Variants in TRHDE observed in about 807,000 individuals in gnomAD.
TRHDE encodes the protein thyrotropin-releasing hormone-degrading ectoenzyme.
Under a neutral mutation model 125.7 loss-of-function variants are expected in TRHDE, and 72 were observed. That is an observed-to-expected ratio of 0.57 (90% CI 0.47 to 0.70). The LOEUF is 0.70. TRHDE is among the 30% of genes least tolerant of loss of function. The pLI, the probability that TRHDE is intolerant of heterozygous loss-of-function variation, is 0.00. For synonymous variants in TRHDE, 509 were observed against 509.1 expected (o/e 1.00, Z 0.00); for missense variants, 1,110 against 1,327.1 (o/e 0.84, Z 2.54).
rs1266044059 is a variant in TRHDE at position 72,568,593 on chromosome 12, A to G, written c.2068A>G (p.Ile690Val). The change falls in exon 10 of 19, where the codon ATT becomes GTT. Residue 690 changes from isoleucine to valine, a missense_variant. By Grantham distance (29) the Ile-to-Val change is conservative. Coordinates refer to ENST00000261180, the MANE Select transcript of TRHDE (RefSeq NM_013381.3). The stretch of plus-strand genomic sequence containing the variant: ...TTACCTGTGGCAGATTCCATTAACT[A>G]TTGTGGTAGGAAATAGAAGCCATGT... ...NSYLWQIPLT[I>V]VVGNRSHVSS... 5 of 1,611,900 alleles carry G rather than the reference A, an allele frequency of 3.1e-6. No individual in the cohort carries two copies. The African/African-American group carries it at 6.7e-5, about 22-fold the overall frequency.
At chr12:72,403,388 A>G (rs1370825467) in intron 3 of TRHDE, among the ~76,000 whole-genome samples, 1 of 152,204 alleles carries the variant, frequency 6.6e-6, no homozygotes, top group African/African-American at 2.4e-5. Context: ...TCCTTTTTTC[A>G]TCCAATACAC....
chr12:72,279,756 A>G (rs2139418121), intron 1 of TRHDE, among the ~76,000 whole-genome samples: 1 of 152,208 alleles, frequency 6.6e-6, no homozygotes, highest in Non-Finnish European at 1.5e-5. Flanking sequence ...CTTTGCCTCC[A>G]AGCTTCTGAA....
At position 72,310,641 on chromosome 12, in the gene TRHDE, T is replaced by C. The variant is rs544068779; in HGVS notation, c.1188+23687T>C. Reference sequence around the variant, plus strand: ...ATTATTATTATAATAATTTTGATTATATATTTATATGAGTATATTTTTAAC... The same window carrying C: ...ATTATTATTATAATAATTTTGATTACATATTTATATGAGTATATTTTTAAC... On this transcript the variant is annotated intron_variant, in intron 2 of 18. Coordinates refer to ENST00000261180, the MANE Select transcript of TRHDE (RefSeq NM_013381.3). 2.6e-5 allele frequency among the ~76,000 whole-genome samples: 4 copies of C among 152,232 alleles called. No individual in the cohort carries two copies. In the South Asian group the frequency reaches 6.2e-4, roughly 24 times the overall value.
intron 2 of TRHDE, among the ~76,000 whole-genome samples, chr12:72,355,250 G>A (rs763660386): frequency 3.7e-4 from 56 of 151,498 alleles, no homozygotes; most frequent in Non-Finnish European, 8.0e-4. Context: ...GAAATTTGAA[G>A]GATAGTAAAA....
At chr12:72,638,980 G>T (rs1873902026) in intron 15 of TRHDE, among the ~76,000 whole-genome samples, 1 of 151,022 alleles carries the variant, frequency 6.6e-6, no homozygotes, top group African/African-American at 2.4e-5. Flanking sequence ...ACAATTATGT[G>T]TCTTGGAGTT....
rs188719687 is a variant in TRHDE, at chr12:72,377,153, A to C, written c.1189-842A>C. ...ATTTCTTTTTCATAGAATTGATATGAGGATTAGGGACCACATCTGTGAAAA... is the reference window on the plus strand; with the variant it reads ...ATTTCTTTTTCATAGAATTGATATGCGGATTAGGGACCACATCTGTGAAAA... On this transcript the variant is annotated intron_variant, in intron 2 of 18. Transcript: ENST00000261180. Among the ~76,000 whole-genome samples, 490 of 152,290 alleles carry C rather than the reference A, an allele frequency of 3.2e-3. 1 individual carries two copies. The highest frequency in any genetic ancestry group is 0.011 in the African/African-American group (454 of 41,556).
At chr12:72,587,097 G>A (rs1365811674) in intron 12 of TRHDE, among the ~76,000 whole-genome samples, 2 of 152,138 alleles carry the variant, frequency 1.3e-5, no homozygotes. Flanking sequence ...TCCATGACAT[G>A]TTGAGGGAAA....
At chr12:72,624,245 G>T (rs1470723763) in intron 15 of TRHDE, among the ~76,000 whole-genome samples, 3 of 151,652 alleles carry the variant, frequency 2.0e-5, no homozygotes, top group South Asian at 2.1e-4. Flanking sequence ...AAGAAGGAAA[G>T]AACTTTTTTT....
intron 3 of TRHDE, among the ~76,000 whole-genome samples, chr12:72,416,704 T>A (rs574434534): frequency 2.0e-5 from 3 of 152,262 alleles, no homozygotes; most frequent in Admixed American, 2.0e-4. Flanking sequence ...TGGATTTATT[T>A]CTGGGTTCTC....
rs774960373 is a variant in TRHDE, at chr12:72,562,990, T to TATCTA, written c.1993_1997dup (p.Tyr666Ter). 1 of 1,609,062 alleles carries TATCTA rather than the reference T, an allele frequency of 6.2e-7. No homozygotes were observed. The highest frequency in any genetic ancestry group is 2.2e-5 in the East Asian group (1 of 44,610). On this transcript the variant is annotated frameshift_variant, in exon 9 of 19. Coordinates refer to ENST00000261180, the MANE Select transcript of TRHDE (RefSeq NM_013381.3). LOFTEE classifies it high-confidence loss of function. ...GAATAATAATTACCCAACAGCATTT[T>TATCTA]ATCTATGATATCAGTGCTAAAACTA...
chr12:72,166,468 G>C (rs1876751581), intron 2 of TRHDE, among the ~76,000 whole-genome samples: 1 of 152,056 alleles, frequency 6.6e-6, no homozygotes, highest in African/African-American at 2.4e-5. Flanking sequence ...TTGAAGAACA[G>C]CTCTTGGTGT....
chr12:72,520,100 C>T (rs915092489), intron 6 of TRHDE, among the ~76,000 whole-genome samples: 5 of 152,200 alleles, frequency 3.3e-5, no homozygotes, highest in Non-Finnish European at 5.9e-5. Flanking sequence ...TTTTGTTTGT[C>T]TGTGCCCTGC....
rs545402175 is a variant in TRHDE, at chr12:72,499,590, G to A, written c.1677G>A (p.Gln559=). The change falls in exon 6 of 19, where the codon CAG becomes CAA. Residue 559 remains glutamine (Q), a synonymous_variant. Coordinates refer to ENST00000261180, the MANE Select transcript of TRHDE (RefSeq NM_013381.3). ...ATCCAGTATCACAGGAAGTGCTGCA[G>A]GCAACAGATATTGACAGGGTGTTTG... ...SSHPVSQEVL[Q]ATDIDRVFDW... is the part of the protein sequence containing the mutation. 5.6e-6 allele frequency: 9 copies of A among 1,613,894 alleles called. No homozygotes were observed. Among genetic ancestry groups the A allele is most frequent in the South Asian group, 3.3e-5 (3 of 91,080 alleles).
intron 3 of TRHDE, among the ~76,000 whole-genome samples, chr12:72,450,397 T>A (rs1875511465): frequency 6.6e-6 from 1 of 152,068 alleles, no homozygotes; most frequent in African/African-American, 2.4e-5. Context: ...TTTTACAATT[T>A]ATTAATTAAC....
intron 12 of TRHDE, among the ~76,000 whole-genome samples, chr12:72,598,686 T>A (rs935445045): frequency 1.3e-5 from 2 of 152,168 alleles, no homozygotes; most frequent in African/African-American, 4.8e-5. Context: ...TGGTTTTGCT[T>A]TTTAAGACTA....
At chr12:72,347,087 C>T (rs1870359108) in intron 2 of TRHDE, among the ~76,000 whole-genome samples, 1 of 152,076 alleles carries the variant, frequency 6.6e-6, no homozygotes, top group Non-Finnish European at 1.5e-5. Flanking sequence ...AATATGACCT[C>T]ATCTTAATTA....
intron 6 of TRHDE, among the ~76,000 whole-genome samples, chr12:72,532,825 C>T (rs1223913831): frequency 6.7e-6 from 1 of 149,726 alleles, no homozygotes; most frequent in Non-Finnish European, 1.5e-5. Flanking sequence ...TATATATTAA[C>T]TTGTCTTTAT....
chr12:72,137,808 C>T (rs566950687), intron 2 of TRHDE, among the ~76,000 whole-genome samples: 1 of 152,270 alleles, frequency 6.6e-6, no homozygotes, highest in East Asian at 1.9e-4. Flanking sequence ...ACATAAGAAA[C>T]AGTAGTTTTG....
At chr12:72,572,654 C>T (rs1870801165) in intron 10 of TRHDE, among the ~76,000 whole-genome samples, 1 of 152,026 alleles carries the variant, frequency 6.6e-6, no homozygotes, top group African/African-American at 2.4e-5. Flanking sequence ...TAATAACCTT[C>T]AGGTTTTAGT....
Sources: allele counts gnomAD v4.1 joint callset (sites outside exome capture counted in the v4.1 genomes callset), GRCh38; gene constraint gnomAD v4.1.1; transcripts MANE v1.5; gene names NCBI Gene and HGNC (gene_info 2026-07-23, HGNC 2026-07-21).